The following CFAP61 variants were observed in gnomAD, a reference collection of about 807,000 sequenced individuals.
The protein encoded by CFAP61 is cilia and flagella associated protein 61, also known as cilia- and flagella-associated protein 61.
Under a neutral mutation model 135.6 loss-of-function variants are expected in CFAP61, and 107 were observed. That is an observed-to-expected ratio of 0.79 (90% CI 0.67 to 0.93). CFAP61 has a LOEUF of 0.93. CFAP61 is among the 40% of genes least tolerant of loss of function. CFAP61 has a pLI of 0.00. For synonymous variants in CFAP61, 575 were observed against 578.5 expected, an observed-to-expected ratio of 0.99 and a Z score of 0.09; for missense variants, 1,507 against 1,556.2, an observed-to-expected ratio of 0.97 and a Z score of 0.53.
chr20:20,146,396 A>G (rs542608043), intron 9 of CFAP61, among the ~76,000 whole-genome samples: 6 of 152,364 alleles, frequency 3.9e-5, no homozygotes, highest in East Asian at 1.9e-4. Context: ...AAGACATAAA[A>G]TAGCAACTTT....
chr20:20,270,132 A>G (rs1004830382), intron 21 of CFAP61, among the ~76,000 whole-genome samples: 1 of 152,186 alleles, frequency 6.6e-6, no homozygotes, highest in African/African-American at 2.4e-5. Flanking sequence ...GTAACATATA[A>G]TTCTTGTTTC....
At chr20:20,251,490 G>C in intron 19 of CFAP61, 105 bp from the exon 20 acceptor site, 3 of 1,018,402 alleles carry the variant, frequency 2.9e-6, no homozygotes, top group South Asian at 2.9e-5. Flanking sequence ...CACAGCAAGA[G>C]CACGGACTCA....
At chr20:20,344,517 C>T (rs2058564498) in intron 26 of CFAP61, among the ~76,000 whole-genome samples, 1 of 152,126 alleles carries the variant, frequency 6.6e-6, no homozygotes, top group Admixed American at 6.5e-5. Context: ...CATCACTAAT[C>T]GTCAGAGAAA....
At chr20:20,280,984 C>T (rs990101472) in intron 22 of CFAP61, among the ~76,000 whole-genome samples, 8 of 151,924 alleles carry the variant, frequency 5.3e-5, no homozygotes, top group Admixed American at 1.3e-4. Flanking sequence ...GGTATCTTTT[C>T]GTTTTTTTAG....
intron 8 of CFAP61, among the ~76,000 whole-genome samples, chr20:20,112,830 T>C (rs2048888217): frequency 6.6e-6 from 1 of 152,240 alleles, no homozygotes; most frequent in South Asian, 2.1e-4. Context: ...TCCCATAAGC[T>C]ATTACCAAGT....
intron 2 of CFAP61, among the ~76,000 whole-genome samples, chr20:20,068,031 C>G (rs988051521): frequency 1.6e-4 from 24 of 152,212 alleles, no homozygotes; most frequent in East Asian, 1.5e-3. Flanking sequence ...CAAAAGCATA[C>G]TGAATCTTTA....
At chr20:20,285,129 T>C (rs2054486685) in intron 22 of CFAP61, among the ~76,000 whole-genome samples, 1 of 152,214 alleles carries the variant, frequency 6.6e-6, no homozygotes, top group Non-Finnish European at 1.5e-5. Flanking sequence ...CCAACATCCA[T>C]GCATTTTTGT....
chr20:20,098,805 A>G lies in CFAP61; in HGVS notation c.850A>G (p.Arg284Gly). 1 of 1,612,272 alleles carries G rather than the reference A, an allele frequency of 6.2e-7. No homozygotes were observed. Among genetic ancestry groups the G allele is most frequent in the Non-Finnish European group, 8.5e-7 (1 of 1,179,334 alleles). ...LESPQDLSVRRSQDAELRSSS... is the reference protein window; with the variant it reads ...LESPQDLSVRGSQDAELRSSS... ...ATCACCACAAGACCTAAGTGTCCGA[A>G]GAAGTCAAGGTACAGTGGCTATCAC... Residue 284 changes from arginine to glycine, a missense_variant, in exon 8 of 27, where the codon AGA becomes GGA. Coordinates refer to ENST00000245957, the MANE Select transcript of CFAP61 (RefSeq NM_015585.4).
At chr20:20,134,395 C>T (rs528542862) in intron 8 of CFAP61, among the ~76,000 whole-genome samples, 6 of 152,254 alleles carry the variant, frequency 3.9e-5, no homozygotes, top group African/African-American at 1.4e-4. Context: ...TGGCAGGAGA[C>T]AAAGCAGGAC....
intron 1 of CFAP61, among the ~76,000 whole-genome samples, chr20:20,054,195 C>A (rs1189909274): frequency 1.3e-5 from 2 of 151,764 alleles, no homozygotes; most frequent in African/African-American, 2.4e-5. Context: ...CTACAAGATT[C>A]TTTGAATTCT....
At chr20:20,355,754 G>C (rs1190101806) in intron 26 of CFAP61, among the ~76,000 whole-genome samples, 11 of 138,566 alleles carry the variant, frequency 7.9e-5, no homozygotes, top group African/African-American at 3.1e-4. Context: ...GTGACACTAT[G>C]AGCAGAGATG....
Position 20,069,743 on chromosome 20 carries a change from A to T in CFAP61, c.144-1111A>T, listed in dbSNP as rs73901389. On this transcript the variant is annotated intron_variant, in intron 2 of 26. Transcript: ENST00000245957. ...TTATTTATTTTTTCTCTTCTTGCTT[A>T]GATTTTCTCGTTCTTGTCTGCACTG... 1.6e-3 allele frequency: 715 copies of T among 456,436 alleles called. 6 individuals are homozygous for T. Among genetic ancestry groups the T allele is most frequent in the African/African-American group, 0.014 (678 of 50,186 alleles). 28.3% of individuals were successfully genotyped at this position (456,436 alleles called of 1,614,324 possible).
chr20:20,137,252 A>G (rs1276011109), intron 8 of CFAP61, among the ~76,000 whole-genome samples: 1 of 152,078 alleles, frequency 6.6e-6, no homozygotes, highest in Non-Finnish European at 1.5e-5. Context: ...CACTGTAACC[A>G]CTACCTACAT....
intron 25 of CFAP61, among the ~76,000 whole-genome samples, chr20:20,311,470 T>C (rs2056823737): frequency 6.6e-6 from 1 of 152,164 alleles, no homozygotes; most frequent in African/African-American, 2.4e-5. Flanking sequence ...ACAAAGAAGG[T>C]GAACCCTGTG....
intron 17 of CFAP61, chr20:20,215,130 C>T (rs531368200): frequency 2.0e-5 from 3 of 152,274 alleles, no homozygotes; most frequent in South Asian, 2.1e-4. Context: ...GTTTTGGAGA[C>T]GCGTGCTCAT....
At chr20:20,056,086 A>T in intron 1 of CFAP61, 1 of 1,124,330 alleles carries the variant, frequency 8.9e-7, no homozygotes, top group East Asian at 2.4e-5. Flanking sequence ...TTATTATGGA[A>T]CCTCTCAAAG....
intron 20 of CFAP61, 40 bp downstream of exon 20, chr20:20,251,803 G>T: frequency 1.2e-6 from 2 of 1,601,416 alleles, no homozygotes; most frequent in Non-Finnish European, 1.7e-6. Flanking sequence ...CGTGTCTGGA[G>T]AGCTCCATGA....
In CFAP61 at chr20:20,125,572, T is replaced by TAATA. The variant is rs1389328257; in HGVS notation, c.860-17285_860-17284insAATA. 1.5e-4 allele frequency among the ~76,000 whole-genome samples: 23 copies of TAATA among 151,946 alleles called. 1 individual carries two copies. Among genetic ancestry groups the TAATA allele is most frequent in the African/African-American group, 5.1e-4 (21 of 41,220 alleles). ...GATTTACAGTTTTATTCCACTGTGGTCTGAGAGGCTGCTTGATGTAATATT... is the reference window on the plus strand; with the variant it reads ...GATTTACAGTTTTATTCCACTGTGGTAATACTGAGAGGCTGCTTGATGTAATATT... On this transcript the variant is annotated intron_variant, in intron 8 of 26. Coordinates refer to ENST00000245957, the MANE Select transcript of CFAP61 (RefSeq NM_015585.4).
intron 26 of CFAP61, among the ~76,000 whole-genome samples, chr20:20,355,566 CTG>C (rs2059079900): frequency 7.6e-6 from 1 of 131,370 alleles, no homozygotes; most frequent in Non-Finnish European, 1.6e-5. Context: ...GATGGTCACA[CTG>C]TGAGGGGAGG....
Sources: gnomAD v4.1 joint callset for allele counts (sites outside exome capture counted in the v4.1 genomes callset) on GRCh38, gnomAD v4.1.1 for gene constraint, MANE v1.5 for transcripts, NCBI Gene and HGNC (gene_info 2026-07-23, HGNC 2026-07-21) for gene names.